The following TOP6BL variants were observed in gnomAD, a reference collection of about 807,000 sequenced individuals.
The protein encoded by TOP6BL is type 2 DNA topoisomerase 6 subunit B-like.
chr11:66,800,774 A>G, the TOP6BL span: 1 of 1,299,746 alleles, frequency 7.7e-7, no homozygotes, highest in East Asian at 2.5e-5. Flanking sequence ...CTATTTCCAA[A>G]AGGTTCACAG....
At chr11:66,810,604 G>A in the TOP6BL span, among the ~76,000 whole-genome samples, 93 of 152,256 alleles carry the variant, frequency 6.1e-4, no homozygotes, top group Non-Finnish European at 7.6e-4. Context: ...AAGAGAAAAG[G>A]AGCAAGTAGG....
At chr11:66,818,994 T>C in the TOP6BL span, among the ~76,000 whole-genome samples, 1 of 152,214 alleles carries the variant, frequency 6.6e-6, no homozygotes, top group African/African-American at 2.4e-5. Flanking sequence ...AGTAAGGCTC[T>C]CCCATCTTAC....
At chr11:66,801,342 T>C in the TOP6BL span, among the ~76,000 whole-genome samples, 5 of 152,208 alleles carry the variant, frequency 3.3e-5, no homozygotes, top group African/African-American at 4.8e-5. Context: ...TCAGGCCTTA[T>C]TTTACACAGA....
chr11:66,833,704 T>G, the TOP6BL span, among the ~76,000 whole-genome samples: 1 of 151,976 alleles, frequency 6.6e-6, no homozygotes, highest in Non-Finnish European at 1.5e-5. Context: ...TCTCAGCACT[T>G]TGGGAGGGCA....
At chr11:66,747,678 G>A in the TOP6BL span, among the ~76,000 whole-genome samples, 5 of 152,220 alleles carry the variant, frequency 3.3e-5, no homozygotes, top group East Asian at 9.7e-4. Flanking sequence ...GAGTGCAGTG[G>A]CCTGATCAGG....
At chr11:66,840,566 T>C in the TOP6BL span, among the ~76,000 whole-genome samples, 1 of 152,024 alleles carries the variant, frequency 6.6e-6, no homozygotes, top group Non-Finnish European at 1.5e-5. Flanking sequence ...CCTCAACCTC[T>C]CTCCCTCACA....
At chr11:66,812,358 A>G in the TOP6BL span, among the ~76,000 whole-genome samples, 1 of 151,984 alleles carries the variant, frequency 6.6e-6, no homozygotes, top group African/African-American at 2.4e-5. Flanking sequence ...TTGTATTTTT[A>G]GTAGAGACGG....
the TOP6BL span, chr11:66,813,908 C>T: frequency 6.2e-7 from 1 of 1,613,906 alleles, no homozygotes. Flanking sequence ...ATATTGTCAA[C>T]TTGGGAGCAG....
the TOP6BL span, chr11:66,771,399 G>C: frequency 2.6e-5 from 4 of 152,190 alleles, no homozygotes; most frequent in Non-Finnish European, 5.9e-5. Flanking sequence ...CGGATCATGA[G>C]GTCAGGAGAT....
the TOP6BL span, among the ~76,000 whole-genome samples, chr11:66,793,778 C>T: frequency 6.6e-6 from 1 of 151,760 alleles, no homozygotes. Context: ...CAACCTATTG[C>T]CACAGTTTTT....
chr11:66,818,195 G>A, the TOP6BL span, among the ~76,000 whole-genome samples: 1 of 152,198 alleles, frequency 6.6e-6, no homozygotes, highest in Non-Finnish European at 1.5e-5. Flanking sequence ...AAGAGCTCAT[G>A]TTGACTGGTG....
chr11:66,817,078 A>G, the TOP6BL span, among the ~76,000 whole-genome samples: 2 of 152,120 alleles, frequency 1.3e-5, no homozygotes, highest in African/African-American at 4.8e-5. Flanking sequence ...TCTTGAACCC[A>G]GGAGGCAGAG....
the TOP6BL span, among the ~76,000 whole-genome samples, chr11:66,836,701 T>A: frequency 0.016 from 13 of 802 alleles, no homozygotes; most frequent in African/African-American, 0.021. Flanking sequence ...GAAAATATGA[T>A]TTTTTTTTTT....
chr11:66,762,061 A>G, the TOP6BL span: 1 of 1,327,052 alleles, frequency 7.5e-7, no homozygotes, highest in Non-Finnish European at 1.1e-6. Context: ...GCACTAATTT[A>G]GCTTCTGTCC....
At chr11:66,792,572 G>GT in the TOP6BL span, among the ~76,000 whole-genome samples, 1 of 152,190 alleles carries the variant, frequency 6.6e-6, no homozygotes, top group Non-Finnish European at 1.5e-5. Context: ...GGACTTTGGA[G>GT]TTAGTCAGCT....
the TOP6BL span, among the ~76,000 whole-genome samples, chr11:66,794,978 C>CA: frequency 2.0e-4 from 31 of 151,994 alleles, no homozygotes; most frequent in South Asian, 8.3e-4. Context: ...ACAGAAAATA[C>CA]AAAAAATCAG....
the TOP6BL span, among the ~76,000 whole-genome samples, chr11:66,809,008 C>T: frequency 7.2e-5 from 11 of 152,104 alleles, no homozygotes; most frequent in Non-Finnish European, 1.0e-4. Context: ...TGCAGTGGCT[C>T]GATCTGGCTC....
At chr11:66,777,065 A>G in the TOP6BL span, among the ~76,000 whole-genome samples, 3 of 150,204 alleles carry the variant, frequency 2.0e-5, no homozygotes, top group African/African-American at 7.3e-5. Flanking sequence ...ATCTATATCT[A>G]TATATCTATA....
the TOP6BL span, among the ~76,000 whole-genome samples, chr11:66,745,290 A>C: frequency 1.8e-5 from 2 of 109,134 alleles, no homozygotes; most frequent in Non-Finnish European, 3.7e-5. Flanking sequence ...GGAATGGGGC[A>C]AGCCCTGGCG....
Sources: allele counts gnomAD v4.1 joint callset (sites outside exome capture counted in the v4.1 genomes callset), GRCh38; gene constraint gnomAD v4.1.1; transcripts MANE v1.5; gene names NCBI Gene and HGNC (gene_info 2026-07-23, HGNC 2026-07-21).